Variants in PAPPA observed in about 807,000 individuals in gnomAD.
PAPPA encodes the protein pappalysin 1.
Under a neutral mutation model 164.0 loss-of-function variants are expected in PAPPA, and 60 were observed. The ratio of observed to expected loss-of-function variants is 0.37; its 90% CI spans 0.30 to 0.45. PAPPA has a LOEUF of 0.45. Ranked by LOEUF, PAPPA falls within the 20% of genes least tolerant of loss-of-function variation. The pLI is 1.00. For synonymous variants in PAPPA, 875 were observed against 814.1 expected (o/e 1.07, Z -1.27); for missense variants, 1,782 against 2,087.3 (o/e 0.85, Z 2.85).
In PAPPA at chr9:116,400,942, C is replaced by T. The variant is rs1233768683; in HGVS notation, c.*4326C>T. ...AAATGGGGATAATACTATATACCTA[C>T]CTCACAGTGGGAGGGCAGGAGATTT... is the stretch of plus-strand genomic sequence containing the variant. On this transcript the variant is annotated 3_prime_UTR_variant, in exon 22 of 22. Coordinates refer to ENST00000328252, the MANE Select transcript of PAPPA (RefSeq NM_002581.5). The T allele has an allele frequency of 6.6e-6, 1 of 152,542 alleles. No homozygotes were observed. The highest frequency in any genetic ancestry group is 1.5e-5 in the Non-Finnish European group (1 of 68,010). 9.4% of individuals were successfully genotyped at this position (152,542 alleles called of 1,614,324 possible). A position where few individuals can be genotyped will look rare whatever the true frequency, so the allele number is the denominator to read the frequency against.
chr9:116,382,544 T>G, intron 21 of PAPPA, 51 bp downstream of exon 21: 1 of 1,103,630 alleles, frequency 9.1e-7, no homozygotes, highest in Non-Finnish European at 1.4e-6. Flanking sequence ...CTTCTCCAGC[T>G]TGTGGGGCCA....
At chr9:116,156,972 C>T (rs576337307) in intron 1 of PAPPA, among the ~76,000 whole-genome samples, 1 of 152,336 alleles carries the variant, frequency 6.6e-6, no homozygotes, top group South Asian at 2.1e-4. Context: ...CCTCTGCTGG[C>T]TTTCTCTGGC....
At chr9:116,183,206 T>C (rs1229197786) in intron 1 of PAPPA, among the ~76,000 whole-genome samples, 2 of 152,082 alleles carry the variant, frequency 1.3e-5, no homozygotes, top group East Asian at 1.9e-4. Context: ...GAGAACAGCA[T>C]TGTGTGTCCT....
chr9:116,236,934 T>C (rs1362284527), intron 7 of PAPPA, among the ~76,000 whole-genome samples: 1 of 152,252 alleles, frequency 6.6e-6, no homozygotes, highest in Non-Finnish European at 1.5e-5. Flanking sequence ...ATTAAAGATG[T>C]GATTCCAACT....
chr9:116,268,595 GA>G (rs1845099356), intron 8 of PAPPA, among the ~76,000 whole-genome samples: 1 of 151,974 alleles, frequency 6.6e-6, no homozygotes, highest in Non-Finnish European at 1.5e-5. Context: ...GCTCATGGTG[GA>G]AACAGATATA....
At chr9:116,166,121 A>T (rs923019290) in intron 1 of PAPPA, among the ~76,000 whole-genome samples, 2 of 152,198 alleles carry the variant, frequency 1.3e-5, no homozygotes, top group African/African-American at 4.8e-5. Context: ...AAAGCACATG[A>T]CCTAGCATGT....
chr9:116,309,112 G>A (rs529459480), intron 10 of PAPPA, among the ~76,000 whole-genome samples: 7 of 149,838 alleles, frequency 4.7e-5, no homozygotes, highest in South Asian at 2.1e-4. Context: ...GTCTCACTCC[G>A]TCCTCCAGGC....
intron 20 of PAPPA, among the ~76,000 whole-genome samples, chr9:116,381,882 A>G (rs931102332): frequency 6.6e-6 from 1 of 152,234 alleles, no homozygotes; most frequent in Admixed American, 6.5e-5. Flanking sequence ...GCCCACTATC[A>G]CACACAGACC....
intron 17 of PAPPA, among the ~76,000 whole-genome samples, chr9:116,360,730 G>T (rs1380356177): frequency 3.3e-5 from 5 of 152,140 alleles, no homozygotes; most frequent in Non-Finnish European, 5.9e-5. Context: ...ATTCTTGAAT[G>T]AGCAAAAATA....
chr9:116,254,611 T>A (rs1447947992), intron 7 of PAPPA, among the ~76,000 whole-genome samples: 2 of 151,786 alleles, frequency 1.3e-5, no homozygotes, highest in African/African-American at 4.8e-5. Flanking sequence ...TGAAACCCCA[T>A]CTCTACTAAA....
At chr9:116,242,395 A>G (rs1844747089) in intron 7 of PAPPA, among the ~76,000 whole-genome samples, 2 of 152,234 alleles carry the variant, frequency 1.3e-5, no homozygotes, top group Non-Finnish European at 2.9e-5. Context: ...AGGAACAAGC[A>G]TACTGCATGT....
intron 6 of PAPPA, among the ~76,000 whole-genome samples, chr9:116,230,885 T>C (rs3827667): frequency 6.6e-6 from 1 of 152,222 alleles, no homozygotes; most frequent in East Asian, 1.9e-4. Context: ...CTTATGCAAG[T>C]ATAAAATAGA....
chr9:116,340,804 A>T (rs1199258581), intron 13 of PAPPA, among the ~76,000 whole-genome samples: 1 of 152,206 alleles, frequency 6.6e-6, no homozygotes, highest in African/African-American at 2.4e-5. Flanking sequence ...GAAGTCCTGC[A>T]ACTAAGAAAA....
chr9:116,353,783 A>T lies in PAPPA; in HGVS notation c.4337A>T (p.Asp1446Val), dbSNP rs545498697. The change falls in exon 17 of 22, where the codon GAT becomes GTT. Residue 1446 changes from aspartate (D) to valine (V), a missense_variant. Physicochemically the swap from Asp to Val is radical, Grantham distance 152. Transcript: ENST00000328252. ...SECRIKCEDS[D>V]ASQGLGSNVI... ...TGTAGGATCAAGTGTGAAGACAGTG[A>T]TGCCTCCCAGGTAAGCCTCCTGGAA... is the stretch of plus-strand genomic sequence containing the variant. The T allele has an allele frequency of 8.1e-6, 13 of 1,612,494 alleles. No homozygotes were observed. The Admixed American group carries it at 1.7e-4, about 21-fold the overall frequency.
intron 13 of PAPPA, among the ~76,000 whole-genome samples, chr9:116,344,065 C>A (rs907209682): frequency 4.6e-5 from 7 of 152,132 alleles, no homozygotes; most frequent in Non-Finnish European, 1.5e-5. Context: ...CGCGCCCAGC[C>A]CAGCTACCAT....
At chr9:116,330,839 T>C (rs571607958) in intron 10 of PAPPA, among the ~76,000 whole-genome samples, 54 of 152,260 alleles carry the variant, frequency 3.5e-4, no homozygotes, top group Non-Finnish European at 6.3e-4. Context: ...TAGTAACCAT[T>C]TGATCACAAC....
chr9:116,312,177 T>C (rs1486754728), intron 10 of PAPPA, among the ~76,000 whole-genome samples: 3 of 152,112 alleles, frequency 2.0e-5, no homozygotes, highest in Admixed American at 2.0e-4. Context: ...ATTCTCCACA[T>C]CCTCTTTAGC....
At chr9:116,379,883 C>T (rs890122429) in intron 20 of PAPPA, among the ~76,000 whole-genome samples, 2 of 152,114 alleles carry the variant, frequency 1.3e-5, no homozygotes, top group South Asian at 4.1e-4. Flanking sequence ...GAAGGAGCAA[C>T]ATGAGATAAA....
intron 7 of PAPPA, among the ~76,000 whole-genome samples, chr9:116,241,034 G>A (rs575971890): frequency 1.1e-4 from 16 of 152,094 alleles, no homozygotes; most frequent in African/African-American, 3.6e-4. Flanking sequence ...TAATTCTTTG[G>A]GGAAATGAAT....
Sources: gnomAD v4.1 joint callset for allele counts (sites outside exome capture counted in the v4.1 genomes callset) on GRCh38, gnomAD v4.1.1 for gene constraint, MANE v1.5 for transcripts, NCBI Gene and HGNC (gene_info 2026-07-23, HGNC 2026-07-21) for gene names.